The following CNTN5 variants were observed in gnomAD, a reference collection of about 807,000 sequenced individuals.
The protein encoded by CNTN5 is contactin-5.
CNTN5 carries 77 observed loss-of-function variants against 129.1 expected under a neutral mutation model. That is an observed-to-expected ratio of 0.60 (90% confidence interval 0.50 to 0.72). CNTN5 has a LOEUF of 0.72. Ranked by LOEUF, CNTN5 falls within the 30% of genes least tolerant of loss-of-function variation. CNTN5 has a pLI of 0.00. For synonymous variants in CNTN5, 509 were observed against 465.6 expected (o/e 1.09, Z -1.20); for missense variants, 1,478 against 1,328.8 (o/e 1.11, Z -1.75).
At chr11:99,972,447 C>A (rs945013913) in intron 8 of CNTN5, among the ~76,000 whole-genome samples, 3 of 152,150 alleles carry the variant, frequency 2.0e-5, no homozygotes, top group African/African-American at 4.8e-5. Context: ...TGCGCCTCAA[C>A]CTTACCAGGA....
chr11:99,359,111 C>T (rs1938920393), intron 2 of CNTN5, among the ~76,000 whole-genome samples: 1 of 152,140 alleles, frequency 6.6e-6, no homozygotes, highest in Non-Finnish European at 1.5e-5. Flanking sequence ...GTATTCTCTA[C>T]ATTTAAAACT....
At chr11:99,238,747 T>C (rs1861401227) in intron 1 of CNTN5, among the ~76,000 whole-genome samples, 1 of 152,170 alleles carries the variant, frequency 6.6e-6, no homozygotes, top group Admixed American at 6.5e-5. Flanking sequence ...ATGTATTCTA[T>C]CTACATACAA....
chr11:100,172,026 C>T (rs188305062), intron 13 of CNTN5, among the ~76,000 whole-genome samples: 1 of 151,974 alleles, frequency 6.6e-6, no homozygotes, highest in African/African-American at 2.4e-5. Context: ...ACTGTAGTAC[C>T]ATATGTACCT....
At chr11:99,133,615 C>CAAAAAAAAAAAAAAAAAAAAAAAAAA (rs566769880) in intron 1 of CNTN5, among the ~76,000 whole-genome samples, 1 of 105,998 alleles carries the variant, frequency 9.4e-6, no homozygotes, top group Non-Finnish European at 1.9e-5. Flanking sequence ...AGACACTTCT[C>CAAAAAAAAAAAAAAAAAAAAAAAAAA]AAGAAAAAAA....
At chr11:99,530,464 T>G (rs10893462) in intron 2 of CNTN5, among the ~76,000 whole-genome samples, 38,832 of 151,970 alleles carry the variant, frequency 0.26, 5,317 homozygotes, top group Non-Finnish European at 0.31. Flanking sequence ...ACACTTTTAG[T>G]CTAGGCAATG....
chr11:99,482,892 T>C (rs1323740274), intron 2 of CNTN5, among the ~76,000 whole-genome samples: 1 of 151,886 alleles, frequency 6.6e-6, no homozygotes, highest in South Asian at 2.1e-4. Context: ...ACACGTATGC[T>C]AAACGACTCC....
chr11:99,987,532 T>TACAC (rs887489979), intron 8 of CNTN5, among the ~76,000 whole-genome samples: 1 of 149,530 alleles, frequency 6.7e-6, no homozygotes, highest in African/African-American at 2.5e-5. Flanking sequence ...TGAATATATA[T>TACAC]ATATATATAT....
At chr11:100,225,468 ATTTCCTTCCTTC>A (rs572762814) in intron 16 of CNTN5, 1 of 151,496 alleles carries the variant, frequency 6.6e-6, no homozygotes, top group African/African-American at 2.4e-5. Flanking sequence ...CATAGCATGC[ATTTCCTTCCTTC>A]TTTCCTTCCT....
At chr11:99,240,387 CTA>C (rs1861486924) in intron 1 of CNTN5, among the ~76,000 whole-genome samples, 1 of 152,066 alleles carries the variant, frequency 6.6e-6, no homozygotes, top group Non-Finnish European at 1.5e-5. Context: ...TCTCCTCACT[CTA>C]TCTACAAAAT....
chr11:100,193,999 A>C (rs561199088), intron 15 of CNTN5, among the ~76,000 whole-genome samples: 2 of 152,082 alleles, frequency 1.3e-5, no homozygotes, highest in East Asian at 3.9e-4. Context: ...TAATTATGAT[A>C]AAATAAATAA....
chr11:99,733,068 G>A (rs1827419082), intron 3 of CNTN5, among the ~76,000 whole-genome samples: 6 of 152,102 alleles, frequency 3.9e-5, no homozygotes, highest in Admixed American at 2.6e-4. Flanking sequence ...GCTCACGCCT[G>A]TCATCCCTGC....
At chr11:100,015,017 T>C (rs1385721296) in intron 9 of CNTN5, among the ~76,000 whole-genome samples, 1 of 152,180 alleles carries the variant, frequency 6.6e-6, no homozygotes, top group Non-Finnish European at 1.5e-5. Context: ...CTTTCTTCCT[T>C]TTTATCATCA....
At chr11:99,842,996 C>A (rs1947562697) in intron 4 of CNTN5, among the ~76,000 whole-genome samples, 1 of 152,098 alleles carries the variant, frequency 6.6e-6, no homozygotes, top group Non-Finnish European at 1.5e-5. Flanking sequence ...TTTGGGAGGC[C>A]TAGGCGGGCG....
At chr11:99,587,334 A>T (rs1949827762) in intron 3 of CNTN5, among the ~76,000 whole-genome samples, 1 of 152,224 alleles carries the variant, frequency 6.6e-6, no homozygotes, top group Non-Finnish European at 1.5e-5. Context: ...GAAAGTATAC[A>T]TGTGGAGGAT....
chr11:99,514,436 A>G (rs942518713), intron 2 of CNTN5, among the ~76,000 whole-genome samples: 5 of 152,132 alleles, frequency 3.3e-5, no homozygotes, highest in Non-Finnish European at 7.4e-5. Flanking sequence ...GTTATCAAAC[A>G]GTGTTGCATG....
intron 1 of CNTN5, among the ~76,000 whole-genome samples, chr11:99,102,635 C>T (rs1866796258): frequency 6.6e-6 from 1 of 152,140 alleles, no homozygotes; most frequent in African/African-American, 2.4e-5. Flanking sequence ...ACTCCAGTTC[C>T]CAACAAGTTC....
At chr11:99,969,766 A>G (rs879115843) in intron 8 of CNTN5, among the ~76,000 whole-genome samples, 3 of 152,130 alleles carry the variant, frequency 2.0e-5, no homozygotes, top group Non-Finnish European at 4.4e-5. Flanking sequence ...CAAATCAGTC[A>G]TTCCATGTAC....
intron 1 of CNTN5, among the ~76,000 whole-genome samples, chr11:99,107,363 G>C (rs7114862): frequency 0.48 from 72,917 of 151,888 alleles, 17,719 homozygotes; most frequent in East Asian, 0.6. Flanking sequence ...TTTTAAAATA[G>C]ATTTTTAAAA....
intron 23 of CNTN5, among the ~76,000 whole-genome samples, chr11:100,347,646 TG>T (rs2139030789): frequency 6.6e-6 from 1 of 152,214 alleles, no homozygotes; most frequent in Non-Finnish European, 1.5e-5. Context: ...TTGTTAAAAT[TG>T]TGTTCAGACA....
Sources: allele counts gnomAD v4.1 joint callset (sites outside exome capture counted in the v4.1 genomes callset), GRCh38; gene constraint gnomAD v4.1.1; transcripts MANE v1.5; gene names NCBI Gene and HGNC (gene_info 2026-07-23, HGNC 2026-07-21).